The following ELP4 variants were observed in gnomAD, a reference collection of about 807,000 sequenced individuals.
The protein encoded by ELP4 is elongator acetyltransferase complex subunit 4.
In ELP4, 51 loss-of-function variants were observed where a neutral mutation model predicts 48.9. The ratio of observed to expected loss-of-function variants is 1.04; its 90% CI spans 0.83 to 1.32. The LOEUF (loss-of-function observed/expected upper bound fraction) is 1.32, where lower values mean the gene tolerates loss of function less well. ELP4 is among the 40% of genes most tolerant of loss of function. The pLI is 0.00. For missense variants in ELP4, 519 were observed against 514.6 expected (o/e 1.01, Z -0.08); for synonymous variants, 210 against 189.2 (o/e 1.11, Z -0.90).
chr11:31,675,693 T>C (rs937753056), intron 9 of ELP4, among the ~76,000 whole-genome samples: 1 of 152,202 alleles, frequency 6.6e-6, no homozygotes, highest in Non-Finnish European at 1.5e-5. Context: ...ACTGTGGAAG[T>C]TATGAAAGAA....
rs965086095 is a variant in ELP4, at chr11:31,786,259, T to A, written c.*2735T>A. The A allele has an allele frequency of 4.8e-6, 1 of 209,914 alleles. No homozygotes were observed. The highest frequency in any genetic ancestry group is 2.3e-5 in the African/African-American group (1 of 44,032). 13.0% of individuals were successfully genotyped at this position (209,914 alleles called of 1,614,324 possible). On this transcript the variant is annotated 3_prime_UTR_variant, in exon 10 of 10. Coordinates refer to ENST00000640961, the MANE Select transcript of ELP4 (RefSeq NM_019040.5). ...CACACATAGGCATACAAAAGGAGAGTGGGGGGACCCCCCTATTCATTTGTT... is the reference window on the plus strand; with the variant it reads ...CACACATAGGCATACAAAAGGAGAGAGGGGGGACCCCCCTATTCATTTGTT...
intron 4 of ELP4, among the ~76,000 whole-genome samples, chr11:31,602,117 A>G (rs1957794760): frequency 6.6e-6 from 1 of 152,042 alleles, no homozygotes; most frequent in Non-Finnish European, 1.5e-5. Context: ...TGAAATGGGC[A>G]ACCTGGTGTT....
At chr11:31,730,980 A>G (rs931285719) in intron 9 of ELP4, among the ~76,000 whole-genome samples, 18 of 152,172 alleles carry the variant, frequency 1.2e-4, no homozygotes, top group African/African-American at 4.3e-4. Context: ...GAAAAAAAAA[A>G]AGAAGCCAGC....
rs574935980 is a variant in ELP4 at position 31,523,748 on chromosome 11, A to T, written c.259+3657A>T. 1.1e-3 allele frequency among the ~76,000 whole-genome samples: 166 copies of T among 148,986 alleles called. 2 individuals are homozygous for T. The highest frequency in any genetic ancestry group is 3.8e-3 in the African/African-American group (153 of 40,510). On this transcript the variant is annotated intron_variant, in intron 2 of 9. Coordinates refer to ENST00000640961, the MANE Select transcript of ELP4 (RefSeq NM_019040.5). ...AATTGATTTTAAAATCAAAGGTAAA[A>T]TTTGATTTTAAAATCAAAGATAGAT...
At chr11:31,709,078 T>C (rs1307585535) in intron 9 of ELP4, among the ~76,000 whole-genome samples, 1 of 152,122 alleles carries the variant, frequency 6.6e-6, no homozygotes, top group African/African-American at 2.4e-5. Context: ...CTCTAACAAC[T>C]CTCTGATCTA....
intron 5 of ELP4, among the ~76,000 whole-genome samples, chr11:31,609,799 C>T (rs7105795): frequency 6.6e-6 from 1 of 152,038 alleles, no homozygotes; most frequent in African/African-American, 2.4e-5. Context: ...TGGGAGGTCG[C>T]GGCAGGAGGA....
At chr11:31,546,941 A>T (rs1956733482) in intron 3 of ELP4, among the ~76,000 whole-genome samples, 1 of 152,220 alleles carries the variant, frequency 6.6e-6, no homozygotes, top group Non-Finnish European at 1.5e-5. Context: ...AACCAACGAG[A>T]ACAAAGACAC....
chr11:31,774,501 C>T (rs777099664), intron 9 of ELP4, among the ~76,000 whole-genome samples: 9 of 152,174 alleles, frequency 5.9e-5, no homozygotes, highest in Non-Finnish European at 1.0e-4. Flanking sequence ...TAGTCCCTTC[C>T]ATCTCTTCTT....
rs1949411006 is a variant in ELP4, at chr11:31,790,163, A to G, written c.*6639A>G. The G allele has an allele frequency of 1.5e-6, 1 of 666,290 alleles. No individual in the cohort carries two copies. Among genetic ancestry groups the G allele is most frequent in the South Asian group, 2.0e-5 (1 of 50,562 alleles). 41.3% of individuals were successfully genotyped at this position (666,290 alleles called of 1,614,324 possible). On this transcript the variant is annotated 3_prime_UTR_variant, in exon 10 of 10. Transcript: ENST00000640961. Reference sequence around the variant, plus strand: ...TTTTTACTGTATTAAAATCACTTCAATTGTTACAAATAAAAGTAGCACCTT... The same window carrying G: ...TTTTTACTGTATTAAAATCACTTCAGTTGTTACAAATAAAAGTAGCACCTT...
intron 9 of ELP4, among the ~76,000 whole-genome samples, chr11:31,741,026 G>A (rs1019131912): frequency 2.6e-5 from 4 of 152,100 alleles, no homozygotes; most frequent in African/African-American, 9.7e-5. Flanking sequence ...CTGGAAAATC[G>A]GGTCACTCCC....
chr11:31,734,179 G>T (rs1173807823), intron 9 of ELP4, among the ~76,000 whole-genome samples: 2 of 152,136 alleles, frequency 1.3e-5, no homozygotes, highest in Admixed American at 6.5e-5. Context: ...ACACTTTCAT[G>T]ATAAAAACAG....
In ELP4 at chr11:31,684,691, T is replaced by C. The variant is rs548460900; in HGVS notation, c.1143+34470T>C. Among the ~76,000 whole-genome samples, 9 of 152,298 alleles carry C rather than the reference T, an allele frequency of 5.9e-5. No individual in the cohort carries two copies. The East Asian group carries it at 1.5e-3, about 26-fold the overall frequency. On this transcript the variant is annotated intron_variant, in intron 9 of 9. Coordinates refer to ENST00000640961, the MANE Select transcript of ELP4 (RefSeq NM_019040.5). ...ACACTAGTGCAGATGGGGAAGGATG[T>C]GCTTTTCAATAAATAGTACTCAGTC... is the stretch of plus-strand genomic sequence containing the variant.
chr11:31,720,264 T>C (rs181204379), intron 9 of ELP4, among the ~76,000 whole-genome samples: 63 of 152,292 alleles, frequency 4.1e-4, no homozygotes, highest in African/African-American at 1.4e-3. Context: ...CTGTTTGTCC[T>C]CCTAAAATCT....
At chr11:31,781,640 A>G (rs865978057) in intron 9 of ELP4, among the ~76,000 whole-genome samples, 42 of 151,892 alleles carry the variant, frequency 2.8e-4, no homozygotes, top group African/African-American at 8.7e-4. Flanking sequence ...CTGGGATTAC[A>G]GGCACACACC....
At chr11:31,515,442 G>A (rs1659284361) in intron 1 of ELP4, among the ~76,000 whole-genome samples, 1 of 152,064 alleles carries the variant, frequency 6.6e-6, no homozygotes, top group Non-Finnish European at 1.5e-5. Flanking sequence ...GAGCCCAGGA[G>A]TTCAAAACCA....
At chr11:31,662,258 A>G (rs1363508617) in intron 9 of ELP4, among the ~76,000 whole-genome samples, 1 of 152,136 alleles carries the variant, frequency 6.6e-6, no homozygotes, top group African/African-American at 2.4e-5. Flanking sequence ...TCTTAATAGT[A>G]CTATAAACAT....
At chr11:31,544,136 C>T in intron 3 of ELP4, among the ~76,000 whole-genome samples, 1 of 152,344 alleles carries the variant, frequency 6.6e-6, no homozygotes, top group South Asian at 2.1e-4. Context: ...TAGGGAGTGC[C>T]AGACAGTGGG....
chr11:31,668,160 A>G (rs1945719390), intron 9 of ELP4, among the ~76,000 whole-genome samples: 1 of 152,222 alleles, frequency 6.6e-6, no homozygotes, highest in Non-Finnish European at 1.5e-5. Context: ...AAACAAGCAA[A>G]TTAAAATGAT....
chr11:31,634,202 C>G (rs1944925125), intron 7 of ELP4: 1 of 151,772 alleles, frequency 6.6e-6, no homozygotes, highest in Admixed American at 6.6e-5. Flanking sequence ...TTTGATGACA[C>G]TAAGTTTCTA....
Sources: gnomAD v4.1 joint callset for allele counts (sites outside exome capture counted in the v4.1 genomes callset) on GRCh38, gnomAD v4.1.1 for gene constraint, MANE v1.5 for transcripts, NCBI Gene and HGNC (gene_info 2026-07-23, HGNC 2026-07-21) for gene names.